ZFHX4: variants seen among roughly 807,000 people sequenced by gnomAD.
The protein encoded by ZFHX4 is zinc finger homeobox protein 4.
A neutral mutation model predicts 267.6 loss-of-function variants in ZFHX4; 56 were observed. That is an observed-to-expected ratio of 0.21 (90% CI 0.17 to 0.26). ZFHX4 has a LOEUF of 0.26. Ranked by LOEUF, ZFHX4 falls within the 10% of genes least tolerant of loss-of-function variation. The probability of loss-of-function intolerance (pLI) is 1.00; values close to 1 mark genes in which losing one functional copy is unlikely to be tolerated. For missense variants in ZFHX4, 4,332 were observed against 4,420.0 expected (o/e 0.98, Z 0.56); for synonymous variants, 1,778 against 1,665.6 (o/e 1.07, Z -1.64).
At chr8:76,850,397 A>G (rs1812483369) in intron 9 of ZFHX4, 35 bp downstream of exon 9, 4 of 1,523,174 alleles carry the variant, frequency 2.6e-6, no homozygotes, top group Non-Finnish European at 3.6e-6. Context: ...TGTGAACAAT[A>G]CGCTTAGGGG....
chr8:76,708,256 C>T, intron 3 of ZFHX4: 1 of 627,574 alleles, frequency 1.6e-6, no homozygotes, highest in East Asian at 2.9e-5. Context: ...CTATGTCTCA[C>T]TTACACCTGT....
chr8:76,853,316 C>A lies in ZFHX4; in HGVS notation c.6395C>A (p.Pro2132Gln). 6.2e-7 allele frequency: 1 copy of A among 1,613,322 alleles called. No individual in the cohort carries two copies. Among genetic ancestry groups the A allele is most frequent in the Non-Finnish European group, 8.5e-7 (1 of 1,179,576 alleles). ...TTAAGACATTCTCAGTTCAAACGCC[C>A]ACGGACAAGAATTACAGATGATCAG... ...NFLRHSQFKR[P>Q]RTRITDDQLK... Residue 2132 changes from proline (P) to glutamine (Q), a missense_variant, in exon 10 of 11, where the codon CCA becomes CAA. By Grantham distance (76) the Pro-to-Gln change is moderately conservative (BLOSUM62 -1). Coordinates refer to ENST00000651372, the MANE Select transcript of ZFHX4 (RefSeq NM_024721.5).
intron 3 of ZFHX4, among the ~76,000 whole-genome samples, chr8:76,739,810 A>G (rs1011873907): frequency 6.6e-6 from 1 of 152,208 alleles, no homozygotes; most frequent in Admixed American, 6.5e-5. Context: ...ATGAATATAT[A>G]ATGTTTGTTA....
chr8:76,842,027 G>T (rs561385111), intron 5 of ZFHX4, among the ~76,000 whole-genome samples: 13 of 152,218 alleles, frequency 8.5e-5, no homozygotes, highest in South Asian at 4.1e-4. Context: ...TCTAGCTGGT[G>T]TGAACCCGTG....
At chr8:76,808,931 TCTCACACACA>T (rs1015762560) in intron 4 of ZFHX4, among the ~76,000 whole-genome samples, 7 of 150,698 alleles carry the variant, frequency 4.6e-5, no homozygotes, top group African/African-American at 1.7e-4. Context: ...TCTCTCTCTC[TCTCACACACA>T]CACACACACA....
intron 1 of ZFHX4, among the ~76,000 whole-genome samples, chr8:76,694,363 A>C (rs1807899853): frequency 6.6e-6 from 1 of 152,192 alleles, no homozygotes; most frequent in Non-Finnish European, 1.5e-5. Context: ...ACTAAAGTGA[A>C]TGTAAAGAGA....
intron 4 of ZFHX4, among the ~76,000 whole-genome samples, chr8:76,816,494 G>A (rs529513264): frequency 6.6e-6 from 1 of 152,126 alleles, no homozygotes; most frequent in Non-Finnish European, 1.5e-5. Flanking sequence ...GGCACAAGAA[G>A]GTTGTTTTCA....
intron 4 of ZFHX4, among the ~76,000 whole-genome samples, chr8:76,820,883 C>G (rs1218228184): frequency 1.3e-5 from 2 of 152,168 alleles, no homozygotes; most frequent in Admixed American, 1.3e-4. Flanking sequence ...GTATCACAAA[C>G]AGGCAATGGG....
chr8:76,831,297 G>A (rs888671446), intron 4 of ZFHX4, among the ~76,000 whole-genome samples: 8 of 152,124 alleles, frequency 5.3e-5, no homozygotes, highest in Non-Finnish European at 1.0e-4. Context: ...TATATGATAC[G>A]TTGAAATGTG....
intron 4 of ZFHX4, among the ~76,000 whole-genome samples, chr8:76,792,463 G>A (rs185270210): frequency 9.2e-5 from 14 of 152,174 alleles, no homozygotes; most frequent in African/African-American, 2.6e-4. Flanking sequence ...TACCACAATG[G>A]TTTATTCCCA....
intron 4 of ZFHX4, among the ~76,000 whole-genome samples, chr8:76,788,454 T>C (rs1810749961): frequency 6.6e-6 from 1 of 152,202 alleles, no homozygotes; most frequent in South Asian, 2.1e-4. Flanking sequence ...ATTTATTTGT[T>C]CTAATTTTGC....
At chr8:76,749,796 A>G (rs1053986028) in intron 3 of ZFHX4, among the ~76,000 whole-genome samples, 4 of 152,170 alleles carry the variant, frequency 2.6e-5, no homozygotes, top group Admixed American at 2.6e-4. Flanking sequence ...TATTGAGCGG[A>G]GCTAATTGCT....
intron 1 of ZFHX4, among the ~76,000 whole-genome samples, chr8:76,699,461 A>G (rs772163362): frequency 5.3e-5 from 8 of 152,156 alleles, no homozygotes; most frequent in Admixed American, 3.9e-4. Context: ...AGTAAGGTGA[A>G]TTAAAGAGAA....
intron 4 of ZFHX4, among the ~76,000 whole-genome samples, chr8:76,796,799 C>T (rs1810990008): frequency 6.6e-6 from 1 of 152,086 alleles, no homozygotes; most frequent in African/African-American, 2.4e-5. Flanking sequence ...TTTTCATAAC[C>T]AGGGAAAATA....
intron 1 of ZFHX4, among the ~76,000 whole-genome samples, chr8:76,686,991 C>A (rs971083549): frequency 6.6e-6 from 1 of 152,218 alleles, no homozygotes; most frequent in Non-Finnish European, 1.5e-5. Context: ...AAGGTTCAAA[C>A]TGAGAAGCGC....
At position 76,852,957 on chromosome 8, in the gene ZFHX4, G is replaced by A; in HGVS notation, c.6036G>A (p.Leu2012=). ...CCCCGCCACCTCCTCCTCCTCCCTT[G>A]CCTCCGGCTCCTCCACAGCCTTCTT... ...TPPPPPPPPP[L]PPAPPQPSSM... is the part of the protein sequence containing the mutation. Residue 2012 remains leucine, a synonymous_variant, in exon 10 of 11, where the codon TTG becomes TTA. Transcript: ENST00000651372. The A allele has an allele frequency of 6.4e-7, 1 of 1,567,046 alleles. No individual in the cohort carries two copies. The highest frequency in any genetic ancestry group is 8.7e-7 in the Non-Finnish European group (1 of 1,155,874).
At chr8:76,823,321 T>A (rs1811703633) in intron 4 of ZFHX4, among the ~76,000 whole-genome samples, 1 of 152,122 alleles carries the variant, frequency 6.6e-6, no homozygotes, top group Non-Finnish European at 1.5e-5. Flanking sequence ...TCAGAAGCCA[T>A]TTTTTCTGCT....
chr8:76,828,993 G>A (rs1364915128), intron 4 of ZFHX4, among the ~76,000 whole-genome samples: 1 of 152,110 alleles, frequency 6.6e-6, no homozygotes, highest in Non-Finnish European at 1.5e-5. Flanking sequence ...GGTGAGATGT[G>A]GAGGTTTTGC....
intron 1 of ZFHX4, among the ~76,000 whole-genome samples, chr8:76,695,914 C>T (rs964325099): frequency 3.9e-5 from 6 of 152,168 alleles, no homozygotes; most frequent in African/African-American, 1.4e-4. Flanking sequence ...AATGCTGAAA[C>T]CTGATCAACA....
Sources: gnomAD v4.1 joint callset for allele counts (sites outside exome capture counted in the v4.1 genomes callset) on GRCh38, gnomAD v4.1.1 for gene constraint, MANE v1.5 for transcripts, NCBI Gene and HGNC (gene_info 2026-07-23, HGNC 2026-07-21) for gene names.